Variants in RWDD1 observed in about 807,000 individuals in gnomAD.
RWDD1 encodes the protein RWD domain-containing protein 1.
In RWDD1, 17 loss-of-function variants were observed where a neutral mutation model predicts 31.6. The ratio of observed to expected loss-of-function variants is 0.54; its 90% CI spans 0.37 to 0.81. RWDD1 has a LOEUF of 0.81. Among genes scored for constraint, RWDD1 ranks in the 30% least tolerant of loss-of-function variants. The pLI is 0.00. For synonymous variants in RWDD1, 78 were observed against 94.2 expected (o/e 0.83, Z 0.99); for missense variants, 204 against 274.5 (o/e 0.74, Z 1.82).
rs967892291 is a variant in RWDD1 at position 116,571,532 on chromosome 6, T to C, written c.-51T>C. 1 of 1,580,938 alleles carries C rather than the reference T, an allele frequency of 6.3e-7. No individual in the cohort carries two copies. Among genetic ancestry groups the C allele is most frequent in the African/African-American group, 1.4e-5 (1 of 73,292 alleles). ...CCGGCGCGGCAGCTGTCTGGGCTGCTGCGCGCCGCCTAGGTGTCTGGGCGA... is the reference window on the plus strand; with the variant it reads ...CCGGCGCGGCAGCTGTCTGGGCTGCCGCGCGCCGCCTAGGTGTCTGGGCGA... On this transcript the variant is annotated 5_prime_UTR_variant, in exon 1 of 7. Coordinates refer to ENST00000466444, the MANE Select transcript of RWDD1 (RefSeq NM_015952.4).
At chr6:116,586,416 T>A (rs1775040596) in intron 3 of RWDD1, among the ~76,000 whole-genome samples, 1 of 152,170 alleles carries the variant, frequency 6.6e-6, no homozygotes, top group Non-Finnish European at 1.5e-5. Context: ...CATAATGTTT[T>A]ATAATATTCT....
At chr6:116,576,548 C>G (rs986691771) in intron 1 of RWDD1, among the ~76,000 whole-genome samples, 1 of 152,324 alleles carries the variant, frequency 6.6e-6, no homozygotes, top group East Asian at 1.9e-4. Flanking sequence ...CCTCCCTGTT[C>G]TATCTGGCTC....
chr6:116,586,633 A>C (rs1020470130), intron 3 of RWDD1, among the ~76,000 whole-genome samples: 1 of 152,198 alleles, frequency 6.6e-6, no homozygotes, highest in African/African-American at 2.4e-5. Flanking sequence ...ACATTCTTAT[A>C]TATCACTACT....
intron 1 of RWDD1, chr6:116,573,003 C>G: frequency 3.0e-6 from 3 of 985,318 alleles, no homozygotes; most frequent in Non-Finnish European, 3.6e-6. Flanking sequence ...TGTATGGAGT[C>G]TGGCTCCCTT....
chr6:116,571,541 C>T lies in RWDD1; in HGVS notation c.-42C>T. 2.5e-6 allele frequency: 4 copies of T among 1,600,672 alleles called. No homozygotes were observed. Among genetic ancestry groups the T allele is most frequent in the Non-Finnish European group, 3.4e-6 (4 of 1,173,320 alleles). On this transcript the variant is annotated 5_prime_UTR_variant, in exon 1 of 7. Coordinates refer to ENST00000466444, the MANE Select transcript of RWDD1 (RefSeq NM_015952.4). ...CAGCTGTCTGGGCTGCTGCGCGCCG[C>T]CTAGGTGTCTGGGCGATCTATGGGC...
intron 3 of RWDD1, among the ~76,000 whole-genome samples, chr6:116,587,660 C>T (rs1300122063): frequency 6.7e-6 from 1 of 148,802 alleles, no homozygotes; most frequent in Non-Finnish European, 1.5e-5. Flanking sequence ...CTCTGTGACT[C>T]TCTCTGTGTG....
At chr6:116,575,050 G>A (rs894935604) in intron 1 of RWDD1, among the ~76,000 whole-genome samples, 1 of 152,080 alleles carries the variant, frequency 6.6e-6, no homozygotes, top group Non-Finnish European at 1.5e-5. Context: ...GGTTATAGGC[G>A]TGAGCCATTG....
rs1327317592 is a variant in RWDD1, at chr6:116,596,362, G to C, written c.*3261G>C. 1 of 152,206 alleles carries C rather than the reference G, an allele frequency of 6.6e-6. No homozygotes were observed. Among genetic ancestry groups the C allele is most frequent in the Non-Finnish European group, 1.5e-5 (1 of 68,016 alleles). The allele number at this position is 152,206 out of a possible 1,614,324, so 9.4% of individuals were successfully genotyped here. A position where few individuals can be genotyped will look rare whatever the true frequency, so the allele number is the denominator to read the frequency against. ...TTAGGAACTGTATCAGGGTGACAAA[G>C]ATGAAAGAATGCTGCCAGAAAAGTA... On this transcript the variant is annotated 3_prime_UTR_variant, in exon 7 of 7. Coordinates refer to ENST00000466444, the MANE Select transcript of RWDD1 (RefSeq NM_015952.4).
At chr6:116,583,087 C>G (rs1774976982) in intron 2 of RWDD1, among the ~76,000 whole-genome samples, 1 of 151,922 alleles carries the variant, frequency 6.6e-6, no homozygotes, top group Non-Finnish European at 1.5e-5. Flanking sequence ...AAGCAGTTCT[C>G]CCACCTCAGC....
intron 1 of RWDD1, among the ~76,000 whole-genome samples, chr6:116,574,598 C>CATCT (rs1410354998): frequency 6.6e-6 from 1 of 152,130 alleles, no homozygotes; most frequent in African/African-American, 2.4e-5. Context: ...CTTTCACCAC[C>CATCT]ATCTGTCCCC....
chr6:116,577,769 T>C (rs1295959700), intron 1 of RWDD1, among the ~76,000 whole-genome samples: 1 of 152,180 alleles, frequency 6.6e-6, no homozygotes, highest in Non-Finnish European at 1.5e-5. Context: ...TTTTATGTGC[T>C]GTTGTTAGAT....
intron 6 of RWDD1, among the ~76,000 whole-genome samples, chr6:116,591,439 C>T (rs1308913335): frequency 6.6e-6 from 1 of 152,182 alleles, no homozygotes; most frequent in African/African-American, 2.4e-5. Flanking sequence ...TCTGTGAAAA[C>T]TATTCTATGG....
rs527252486 is a variant in RWDD1 at position 116,582,332 on chromosome 6, A to G, written c.139+1972A>G. Among the ~76,000 whole-genome samples, 77 of 151,954 alleles carry G rather than the reference A, an allele frequency of 5.1e-4. No homozygotes were observed. In the South Asian group the frequency reaches 0.014, roughly 27 times the overall value. ...CCTGCATGGTGAAAATCAATTTGCAATTATTTACACTAAGTGTTAAAGAAT... is the reference window on the plus strand; with the variant it reads ...CCTGCATGGTGAAAATCAATTTGCAGTTATTTACACTAAGTGTTAAAGAAT... On this transcript the variant is annotated intron_variant, in intron 2 of 6. Transcript: ENST00000466444.
At position 116,591,122 on chromosome 6, in the gene RWDD1, A is replaced by G. The variant is rs1349520030; in HGVS notation, c.610+172A>G. ...TTAAAAAAAAAAAAAAGAATTCCAC[A>G]TGTATATAATGTAGTCTCTTTAATT... On this transcript the variant is annotated intron_variant, in intron 6 of 6. Transcript: ENST00000466444. Among the ~76,000 whole-genome samples, 6 of 151,998 alleles carry G rather than the reference A, an allele frequency of 3.9e-5. No homozygotes were observed. The South Asian group carries it at 6.2e-4, about 16-fold the overall frequency.
At chr6:116,576,938 A>C (rs1214290491) in intron 1 of RWDD1, among the ~76,000 whole-genome samples, 1 of 152,198 alleles carries the variant, frequency 6.6e-6, no homozygotes, top group Non-Finnish European at 1.5e-5. Flanking sequence ...CTTGTCAGGG[A>C]CTTAGATGTG....
chr6:116,571,587 C>G lies in RWDD1; in HGVS notation c.5C>G (p.Thr2Arg). The change falls in exon 1 of 7, where the codon ACA becomes AGA. Residue 2 changes from threonine (T) to arginine (R), a missense_variant. By Grantham distance (71) the Thr-to-Arg change is moderately conservative (BLOSUM62 -1). Coordinates refer to ENST00000466444, the MANE Select transcript of RWDD1 (RefSeq NM_015952.4). MTDYGEEQRNEL... is the reference protein window; with the variant it reads MRDYGEEQRNEL... ...TGGGCAAGAGCAAGGGCCACGATGACAGATTACGGCGAGGAGCAGCGCAAC... is the reference window on the plus strand; with the variant it reads ...TGGGCAAGAGCAAGGGCCACGATGAGAGATTACGGCGAGGAGCAGCGCAAC... 6.2e-7 allele frequency: 1 copy of G among 1,613,522 alleles called. No individual in the cohort carries two copies. Among genetic ancestry groups the G allele is most frequent in the Non-Finnish European group, 8.5e-7 (1 of 1,179,852 alleles).
chr6:116,577,263 A>G (rs189478448), intron 1 of RWDD1, among the ~76,000 whole-genome samples: 23 of 152,248 alleles, frequency 1.5e-4, no homozygotes, highest in Middle Eastern at 3.4e-3. Context: ...AATTCTTCAT[A>G]TGCTCTTGAA....
intron 1 of RWDD1, among the ~76,000 whole-genome samples, chr6:116,579,739 A>G (rs575519137): frequency 5.6e-4 from 86 of 152,342 alleles, no homozygotes; most frequent in African/African-American, 1.9e-3. Context: ...TTATAATTCT[A>G]TGAAAGATGG....
intron 1 of RWDD1, among the ~76,000 whole-genome samples, chr6:116,579,355 T>C (rs1296020189): frequency 2.6e-5 from 4 of 152,250 alleles, no homozygotes; most frequent in East Asian, 1.9e-4. Flanking sequence ...GAGTGAGGCA[T>C]AGGCTTTTCT....
Sources: allele counts gnomAD v4.1 joint callset (sites outside exome capture counted in the v4.1 genomes callset), GRCh38; gene constraint gnomAD v4.1.1; transcripts MANE v1.5; gene names NCBI Gene and HGNC (gene_info 2026-07-23, HGNC 2026-07-21).